The following TTBK2 variants were observed in gnomAD, a reference collection of about 807,000 sequenced individuals.
TTBK2 encodes the protein tau tubulin kinase 2, also known as tau-tubulin kinase 2.
TTBK2 carries 28 observed loss-of-function variants against 110.8 expected under a neutral mutation model. That is an observed-to-expected ratio of 0.25 (90% CI 0.19 to 0.35). TTBK2 has a LOEUF of 0.35. Among genes scored for constraint, TTBK2 ranks in the 10% least tolerant of loss-of-function variants. TTBK2 has a pLI of 1.00. For synonymous variants in TTBK2, 532 were observed against 527.3 expected, an observed-to-expected ratio of 1.01 and a Z score of -0.12; for missense variants, 1,369 against 1,500.3, an observed-to-expected ratio of 0.91 and a Z score of 1.45.
intron 9 of TTBK2, chr15:42,800,939 A>G: frequency 1.4e-6 from 1 of 724,966 alleles, no homozygotes; most frequent in Non-Finnish European, 2.5e-6. Flanking sequence ...CGGCAGCCGC[A>G]GGAGGGACAG....
At chr15:42,755,017 A>AC (rs1409697316) in intron 13 of TTBK2, among the ~76,000 whole-genome samples, 1 of 147,516 alleles carries the variant, frequency 6.8e-6, no homozygotes, top group African/African-American at 2.5e-5. Flanking sequence ...TCAGGAAAAA[A>AC]AAAAAAAAAA....
At chr15:42,767,817 A>G (rs1220582636) in intron 13 of TTBK2, among the ~76,000 whole-genome samples, 1 of 152,172 alleles carries the variant, frequency 6.6e-6, no homozygotes, top group Non-Finnish European at 1.5e-5. Flanking sequence ...AAAAAAAGAG[A>G]ATTTTAGACC....
intron 2 of TTBK2, among the ~76,000 whole-genome samples, chr15:42,874,256 A>G (rs1316841371): frequency 2.6e-5 from 4 of 152,020 alleles, no homozygotes; most frequent in African/African-American, 9.7e-5. Context: ...TTATAAATAT[A>G]ATCCTATATT....
At chr15:42,912,578 G>A (rs1177078859) in intron 1 of TTBK2, among the ~76,000 whole-genome samples, 3 of 152,080 alleles carry the variant, frequency 2.0e-5, no homozygotes, top group African/African-American at 2.4e-5. Flanking sequence ...GGGCCTGGTG[G>A]CGGGTGCCTG....
intron 7 of TTBK2, among the ~76,000 whole-genome samples, chr15:42,815,958 A>AAAAAAATATATATATATATATATATAT (rs71108183): frequency 1.2e-4 from 11 of 91,692 alleles, no homozygotes; most frequent in African/African-American, 6.2e-4. Context: ...TTAAAAAAAA[A>AAAAAAATATATATATATATATATATAT]ATATATATAT....
chr15:42,854,292 A>C, intron 3 of TTBK2, among the ~76,000 whole-genome samples: 1 of 152,260 alleles, frequency 6.6e-6, no homozygotes, highest in East Asian at 1.9e-4. Context: ...AAATATTTAT[A>C]TACCAATTAG....
chr15:42,872,787 C>G (rs1228091486), intron 2 of TTBK2, 29 bp from the exon 3 acceptor site: 2 of 1,611,926 alleles, frequency 1.2e-6, no homozygotes, highest in Admixed American at 3.3e-5. Context: ...CACACACACT[C>G]TAAATTACTA....
chr15:42,784,107 T>C (rs1236628342), intron 10 of TTBK2, among the ~76,000 whole-genome samples: 1 of 151,468 alleles, frequency 6.6e-6, no homozygotes, highest in Non-Finnish European at 1.5e-5. Context: ...AAAAAAAAAC[T>C]TAGGTCATGC....
At chr15:42,756,868 A>AAAAAAC (rs1007974874) in intron 13 of TTBK2, among the ~76,000 whole-genome samples, 13 of 151,922 alleles carry the variant, frequency 8.6e-5, no homozygotes, top group African/African-American at 2.2e-4. Flanking sequence ...CCCACCTCAA[A>AAAAAAC]AAAAACAAAA....
intron 10 of TTBK2, among the ~76,000 whole-genome samples, chr15:42,792,395 C>T (rs1357026921): frequency 6.6e-6 from 1 of 152,066 alleles, no homozygotes; most frequent in Non-Finnish European, 1.5e-5. Context: ...CCTGACTGGA[C>T]CCAAATTGAT....
At chr15:42,897,024 G>A (rs1247180339) in intron 1 of TTBK2, among the ~76,000 whole-genome samples, 2 of 151,704 alleles carry the variant, frequency 1.3e-5, no homozygotes, top group African/African-American at 2.4e-5. Flanking sequence ...GATTACAGGC[G>A]CCTGCCACCA....
intron 13 of TTBK2, among the ~76,000 whole-genome samples, chr15:42,756,235 AATT>A (rs1443245909): frequency 1.3e-5 from 2 of 151,982 alleles, no homozygotes; most frequent in African/African-American, 4.8e-5. Context: ...CCAGTCACCT[AATT>A]ATTACATGTA....
chr15:42,819,025 T>G (rs1595946321), intron 6 of TTBK2, among the ~76,000 whole-genome samples: 1 of 151,274 alleles, frequency 6.6e-6, no homozygotes, highest in East Asian at 1.9e-4. Context: ...GGTGGCACTG[T>G]AGCTCAATAT....
In TTBK2 at chr15:42,863,331, T is replaced by C. The variant is rs566270605; in HGVS notation, c.217+9280A>G. Among the ~76,000 whole-genome samples, 7 of 151,726 alleles carry C rather than the reference T, an allele frequency of 4.6e-5. No individual in the cohort carries two copies. In the South Asian group the frequency reaches 1.5e-3, roughly 32 times the overall value. On this transcript the variant is annotated intron_variant, in intron 3 of 14. Transcript: ENST00000267890. ...GTTTAAATAGCCACCAAAAAAAGAATGAAAAATAAATGAAACACCTAGGAA... is the reference window on the plus strand; with the variant it reads ...GTTTAAATAGCCACCAAAAAAAGAACGAAAAATAAATGAAACACCTAGGAA...
At chr15:42,908,890 T>C (rs2141206868) in intron 1 of TTBK2, among the ~76,000 whole-genome samples, 1 of 152,276 alleles carries the variant, frequency 6.6e-6, no homozygotes, top group South Asian at 2.1e-4. Context: ...AAGAGAAGAA[T>C]GGATAAATTA....
chr15:42,814,337 C>T (rs566002333), intron 7 of TTBK2, among the ~76,000 whole-genome samples: 13 of 152,194 alleles, frequency 8.5e-5, no homozygotes, highest in South Asian at 6.2e-4. Flanking sequence ...CCAGCACTTT[C>T]GGGGGCCAAG....
chr15:42,772,136 A>G (rs1365790868), intron 13 of TTBK2, among the ~76,000 whole-genome samples: 2 of 152,050 alleles, frequency 1.3e-5, no homozygotes, highest in Non-Finnish European at 2.9e-5. Flanking sequence ...TGTGACTAAT[A>G]GAATATGGCA....
intron 1 of TTBK2, among the ~76,000 whole-genome samples, chr15:42,883,916 A>G (rs1040833400): frequency 4.6e-5 from 7 of 152,170 alleles, no homozygotes; most frequent in Admixed American, 4.6e-4. Context: ...ATGTAGGTTA[A>G]AAGAAACGGG....
At chr15:42,836,660 C>T (rs1190850177) in intron 4 of TTBK2, among the ~76,000 whole-genome samples, 1 of 152,122 alleles carries the variant, frequency 6.6e-6, no homozygotes, top group Non-Finnish European at 1.5e-5. Context: ...TTCCCATTTA[C>T]AGAAAGTCAG....
Sources: gnomAD v4.1 joint callset for allele counts (sites outside exome capture counted in the v4.1 genomes callset) on GRCh38, gnomAD v4.1.1 for gene constraint, MANE v1.5 for transcripts, NCBI Gene and HGNC (gene_info 2026-07-23, HGNC 2026-07-21) for gene names.